AIDA: variants seen among roughly 807,000 people sequenced by gnomAD.
The protein encoded by AIDA is axin interactor, dorsalization associated.
Under a neutral mutation model 42.7 loss-of-function variants are expected in AIDA, and 18 were observed. The ratio of observed to expected loss-of-function variants is 0.42; its 90% CI spans 0.29 to 0.63. The LOEUF (loss-of-function observed/expected upper bound fraction) is 0.63, where lower values mean the gene tolerates loss of function less well. Ranked by LOEUF, AIDA falls within the 20% of genes least tolerant of loss-of-function variation. The probability of loss-of-function intolerance (pLI) is 0.19; values close to 1 mark genes in which losing one functional copy is unlikely to be tolerated. For synonymous variants in AIDA, 104 were observed against 122.9 expected (o/e 0.85, Z 1.02); for missense variants, 250 against 354.1 (o/e 0.71, Z 2.36).
intron 4 of AIDA, among the ~76,000 whole-genome samples, chr1:222,691,686 A>G (rs1416147928): frequency 3.9e-5 from 6 of 152,180 alleles, no homozygotes; most frequent in Non-Finnish European, 5.9e-5. Flanking sequence ...TTAATCACTA[A>G]CATAATATTG....
intron 7 of AIDA, among the ~76,000 whole-genome samples, chr1:222,675,703 C>G (rs1168201539): frequency 6.6e-6 from 1 of 152,108 alleles, no homozygotes; most frequent in African/African-American, 2.4e-5. Context: ...CAGGAGGAAT[C>G]GGGAAACAGA....
chr1:222,711,120 C>CT (rs889956306), intron 1 of AIDA, among the ~76,000 whole-genome samples: 9 of 152,028 alleles, frequency 5.9e-5, no homozygotes, highest in Non-Finnish European at 1.2e-4. Context: ...CGGGGGTATT[C>CT]TACTCATACG....
intron 5 of AIDA, 41 bp from the exon 6 acceptor site, chr1:222,687,077 C>T (rs747566634): frequency 6.3e-7 from 1 of 1,594,832 alleles, no homozygotes; most frequent in East Asian, 2.2e-5. Flanking sequence ...AACTGCAAAA[C>T]TAAATATACT....
intron 6 of AIDA, among the ~76,000 whole-genome samples, chr1:222,683,158 C>T (rs944761843): frequency 2.6e-5 from 4 of 152,080 alleles, no homozygotes; most frequent in Non-Finnish European, 5.9e-5. Context: ...GAAATAATAT[C>T]GTATGTAGGT....
chr1:222,689,563 A>ATG (rs1655309489), intron 4 of AIDA, among the ~76,000 whole-genome samples: 1 of 76,544 alleles, frequency 1.3e-5, no homozygotes, highest in African/African-American at 3.3e-5. Flanking sequence ...ATATATGTAT[A>ATG]TATATGTATA....
chr1:222,679,275 AAAG>A (rs1217577153), intron 6 of AIDA, among the ~76,000 whole-genome samples: 41 of 152,184 alleles, frequency 2.7e-4, no homozygotes, highest in African/African-American at 9.9e-4. Flanking sequence ...AAGATTTCTA[AAAG>A]AAGAATGAAC....
At chr1:222,676,942 A>C (rs1440678817) in intron 6 of AIDA, among the ~76,000 whole-genome samples, 3 of 152,006 alleles carry the variant, frequency 2.0e-5, no homozygotes, top group African/African-American at 4.8e-5. Flanking sequence ...AAACAAACAA[A>C]AAAAAACCCA....
At chr1:222,707,572 G>A (rs575357444) in intron 1 of AIDA, among the ~76,000 whole-genome samples, 2 of 152,278 alleles carry the variant, frequency 1.3e-5, no homozygotes, top group East Asian at 3.9e-4. Context: ...AAATCTACAC[G>A]TTCTGAATAT....
intron 2 of AIDA, among the ~76,000 whole-genome samples, chr1:222,698,008 A>G (rs1176895071): frequency 6.6e-6 from 1 of 152,236 alleles, no homozygotes. Flanking sequence ...TATTCTGTCC[A>G]GAAACTTACT....
intron 6 of AIDA, among the ~76,000 whole-genome samples, chr1:222,680,012 C>A (rs1664625772): frequency 6.6e-6 from 1 of 152,198 alleles, no homozygotes. Flanking sequence ...CTAGGAGCTC[C>A]ACGCAAAAGA....
intron 7 of AIDA, among the ~76,000 whole-genome samples, chr1:222,675,808 T>TGTA (rs1296771611): frequency 6.6e-6 from 1 of 152,206 alleles, no homozygotes; most frequent in African/African-American, 2.4e-5. Flanking sequence ...GTTAAAGATG[T>TGTA]GTAGCCAGCA....
chr1:222,671,257 G>A (rs943502295), intron 8 of AIDA, among the ~76,000 whole-genome samples: 12 of 151,948 alleles, frequency 7.9e-5, no homozygotes, highest in Non-Finnish European at 1.5e-4. Context: ...AAATTTAGAC[G>A]GTCCTATGTC....
At chr1:222,683,137 C>T (rs1415093769) in intron 6 of AIDA, among the ~76,000 whole-genome samples, 3 of 152,016 alleles carry the variant, frequency 2.0e-5, no homozygotes, top group Non-Finnish European at 2.9e-5. Context: ...ATCTTAGGGG[C>T]CATTATCATT....
intron 1 of AIDA, 40 bp from the exon 2 acceptor site, chr1:222,703,257 C>T: frequency 7.1e-7 from 1 of 1,413,236 alleles, no homozygotes; most frequent in Non-Finnish European, 9.8e-7. Flanking sequence ...GGAAGAAAAG[C>T]AAACTACTGC....
chr1:222,686,227 G>A lies in AIDA; in HGVS notation c.460+703C>T, dbSNP rs116875916. ...CTACAGAAAAGAATTAACATAGCAG[G>A]CCTAAGACTGTTATTCTTAGAAAAC... On this transcript the variant is annotated intron_variant, in intron 6 of 9. Coordinates refer to ENST00000340020, the MANE Select transcript of AIDA (RefSeq NM_022831.4). 1.5e-3 allele frequency among the ~76,000 whole-genome samples: 227 copies of A among 152,292 alleles called. 6 individuals carry two copies. In the South Asian group the frequency reaches 0.021, roughly 14 times the overall value.
chr1:222,697,601 A>C (rs1217147677), intron 2 of AIDA, among the ~76,000 whole-genome samples: 1 of 152,106 alleles, frequency 6.6e-6, no homozygotes, highest in East Asian at 1.9e-4. Context: ...CATTTTCAAA[A>C]TATTGGCTAT....
intron 1 of AIDA, among the ~76,000 whole-genome samples, chr1:222,708,578 C>T (rs906417378): frequency 6.6e-5 from 10 of 151,862 alleles, no homozygotes; most frequent in African/African-American, 2.2e-4. Flanking sequence ...TCATGTTGGC[C>T]GGGATGGTCT....
At chr1:222,699,277 A>G (rs1016831969) in intron 2 of AIDA, among the ~76,000 whole-genome samples, 7 of 152,264 alleles carry the variant, frequency 4.6e-5, no homozygotes, top group African/African-American at 1.4e-4. Context: ...CATAAACAAC[A>G]ATTTTGCTTA....
chr1:222,676,145 CA>C lies in AIDA; in HGVS notation c.533del (p.Leu178Ter). On this transcript the variant is annotated frameshift_variant, in exon 7 of 10. Coordinates refer to ENST00000340020, the MANE Select transcript of AIDA (RefSeq NM_022831.4). LOFTEE classifies it high-confidence loss of function. ...GATCGATGCACTGCCCAGCATCTTTCAAACCAATTTTCTCAATTCTGATAGT... is the reference window on the plus strand; with the variant it reads ...GATCGATGCACTGCCCAGCATCTTTCAACCAATTTTCTCAATTCTGATAGT... ...LLTIRIEKIG[L>X]KDAGQCIDPY... is the part of the protein sequence containing the mutation. 1 of 1,613,048 alleles carries C rather than the reference CA, an allele frequency of 6.2e-7. No individual in the cohort carries two copies. The highest frequency in any genetic ancestry group is 8.5e-7 in the Non-Finnish European group (1 of 1,179,612).
Sources: gnomAD v4.1 joint callset for allele counts (sites outside exome capture counted in the v4.1 genomes callset) on GRCh38, gnomAD v4.1.1 for gene constraint, MANE v1.5 for transcripts, NCBI Gene and HGNC (gene_info 2026-07-23, HGNC 2026-07-21) for gene names.